Variants in DNAJB1 observed in about 807,000 individuals in gnomAD.
DNAJB1 encodes the protein DnaJ heat shock protein family (Hsp40) member B1, also known as dnaJ homolog subfamily B member 1.
A neutral mutation model predicts 24.0 loss-of-function variants in DNAJB1; 14 were observed. The ratio of observed to expected loss-of-function variants is 0.58; its 90% CI spans 0.39 to 0.91. The LOEUF (loss-of-function observed/expected upper bound fraction) is 0.91, where lower values mean the gene tolerates loss of function less well. Ranked by LOEUF, DNAJB1 falls within the 40% of genes least tolerant of loss-of-function variation. The pLI is 0.00. For missense variants in DNAJB1, 517 were observed against 458.1 expected, an observed-to-expected ratio of 1.13 and a Z score of -1.17; for synonymous variants, 262 against 174.4, an observed-to-expected ratio of 1.50 and a Z score of -3.96.
intron 1 of DNAJB1, among the ~76,000 whole-genome samples, chr19:14,548,616 C>T (rs146713576): frequency 5.5e-4 from 84 of 152,210 alleles, no homozygotes; most frequent in African/African-American, 2.6e-4. Context: ...TTTGCACTGT[C>T]GCCCAGGCTG....
intron 1 of DNAJB1, among the ~76,000 whole-genome samples, chr19:14,537,631 G>C (rs1325976904): frequency 6.6e-6 from 1 of 152,150 alleles, no homozygotes; most frequent in African/African-American, 2.4e-5. Context: ...CCTTCTTGCT[G>C]ATACTGATAG....
chr19:14,534,742 G>C (rs1484491851), upstream of DNAJB1, among the ~76,000 whole-genome samples: 2 of 152,038 alleles, frequency 1.3e-5, no homozygotes, highest in Non-Finnish European at 2.9e-5. Flanking sequence ...TTGCCCAGGG[G>C]TGAGTCTTAT....
At chr19:14,540,161 G>A (rs1180885198) in intron 1 of DNAJB1, among the ~76,000 whole-genome samples, 3 of 151,674 alleles carry the variant, frequency 2.0e-5, no homozygotes, top group Non-Finnish European at 4.4e-5. Context: ...CCAGGTTCAC[G>A]CCATTCTCCT....
chr19:14,554,610 G>A (rs115210372), upstream of DNAJB1, among the ~76,000 whole-genome samples: 3,183 of 152,248 alleles, frequency 0.021, 49 homozygotes, highest in Non-Finnish European at 0.024. Flanking sequence ...TTCAGGCTGC[G>A]CCTCCAGGGG....
intron 1 of DNAJB1, among the ~76,000 whole-genome samples, chr19:14,555,572 A>G (rs1410480999): frequency 1.3e-5 from 2 of 150,342 alleles, no homozygotes; most frequent in Admixed American, 6.7e-5. Context: ...CAGCCTCCCA[A>G]GTGGCTGGGA....
upstream of DNAJB1, among the ~76,000 whole-genome samples, chr19:14,552,642 C>T (rs1413287968): frequency 6.6e-6 from 1 of 152,034 alleles, no homozygotes; most frequent in East Asian, 1.9e-4. Context: ...TCACGCCATT[C>T]TCCTGCCTCA....
At chr19:14,543,256 C>T (rs1278842141) in intron 1 of DNAJB1, among the ~76,000 whole-genome samples, 1 of 141,732 alleles carries the variant, frequency 7.1e-6, no homozygotes, top group African/African-American at 2.6e-5. Context: ...ATGAATGTTT[C>T]TCAGGAGCTG....
At position 14,515,944 on chromosome 19, in the gene DNAJB1, A is replaced by C. The variant is rs1415639159; in HGVS notation, c.1019T>G (p.Ile340Arg). The C allele has an allele frequency of 2.5e-6, 4 of 1,606,482 alleles. No homozygotes were observed. Among genetic ancestry groups the C allele is most frequent in the Non-Finnish European group, 2.5e-6 (3 of 1,178,304 alleles). Residue 340 changes from isoleucine to arginine, a missense_variant, in exon 3 of 3, where the codon ATA becomes AGA. By Grantham distance (97) the Ile-to-Arg change is moderately conservative (BLOSUM62 -3). Coordinates refer to ENST00000254322, the MANE Select transcript of DNAJB1 (RefSeq NM_006145.3). ...GTCCTTGGGGAGCTCAGATAGCTAT[A>C]TTGGAAGAACCTGCTCAAGTACGGT... ...SRTVLEQVLP[I>R]
chr19:14,525,741 G>A (rs537755366), intron 2 of DNAJB1, among the ~76,000 whole-genome samples: 15 of 151,770 alleles, frequency 9.9e-5, no homozygotes, highest in Admixed American at 7.9e-4. Flanking sequence ...TTGCATGACC[G>A]TATGTGTTCA....
chr19:14,518,272 G>A lies in DNAJB1; in HGVS notation c.78C>T (p.Arg26=). ...TGTCCGGGTGGTAGCGCAGCGCCTG[G>A]CGGCGGTAGGCCCGCTTGATCTCCT... ...SDEEIKRAYR[R]QALRYHPDKN... The change falls in exon 1 of 3, where the codon CGC becomes CGT. Residue 26 remains arginine, a synonymous_variant. Transcript: ENST00000254322. 1.2e-6 allele frequency: 2 copies of A among 1,609,870 alleles called. No individual in the cohort carries two copies. Among genetic ancestry groups the A allele is most frequent in the Non-Finnish European group, 1.7e-6 (2 of 1,178,814 alleles).
intron 1 of DNAJB1, chr19:14,517,385 G>T (rs2072287977): frequency 8.2e-6 from 2 of 244,962 alleles, no homozygotes; most frequent in South Asian, 1.1e-4. Flanking sequence ...TCGGCTTTCG[G>T]TAAGTGTTTA....
At position 14,527,165 on chromosome 19, in the gene DNAJB1, C is replaced by CTTTTTTTTT. The variant is rs369143149; in HGVS notation, c.-90+552_-90+560dup. 6.1e-3 allele frequency among the ~76,000 whole-genome samples: 250 copies of CTTTTTTTTT among 41,304 alleles called. 39 individuals carry two copies. The highest frequency in any genetic ancestry group is 7.0e-3 in the Non-Finnish European group (174 of 24,750). 27.1% of individuals were successfully genotyped at this position (41,304 alleles called of 152,430 possible). On this transcript the variant is annotated intron_variant, in intron 2 of 3. Coordinates refer to the DNAJB1 transcript ENST00000396969. ...AACTGCCACCAGAAAAATATCTCTG[C>CTTTTTTTTT]TTTTTTTTTTTTTTTTTTTTTTTTT...
intron 2 of DNAJB1, 124 bp downstream of exon 2, chr19:14,516,342 G>C: frequency 1.6e-6 from 2 of 1,284,430 alleles, no homozygotes; most frequent in Non-Finnish European, 2.1e-6. Flanking sequence ...GGTCAGTCCT[G>C]TTCACTGTTG....
chr19:14,537,744 GTTTTTT>G (rs533380690), intron 1 of DNAJB1, among the ~76,000 whole-genome samples: 2 of 126,272 alleles, frequency 1.6e-5, no homozygotes, highest in African/African-American at 5.9e-5. Context: ...AATTATCAGT[GTTTTTT>G]TTTTTTTTTT....
chr19:14,522,679 CACAG>C (rs1238464539), upstream of DNAJB1, among the ~76,000 whole-genome samples: 5 of 74,334 alleles, frequency 6.7e-5, no homozygotes, highest in East Asian at 1.1e-3. Flanking sequence ...CAGACACACA[CACAG>C]ACACACACAC....
chr19:14,543,713 C>T (rs2146583765), intron 1 of DNAJB1, among the ~76,000 whole-genome samples: 1 of 150,440 alleles, frequency 6.6e-6, no homozygotes, highest in African/African-American at 2.4e-5. Flanking sequence ...GCTGGGATTA[C>T]AGGCGTGAGC....
chr19:14,545,271 A>C, intron 1 of DNAJB1: 3 of 452,170 alleles, frequency 6.6e-6, no homozygotes, highest in South Asian at 4.7e-5. Flanking sequence ...TCCGGGTGTC[A>C]CCCGCTTCCC....
chr19:14,537,006 T>G (rs1599420284), intron 1 of DNAJB1, among the ~76,000 whole-genome samples: 1 of 45,358 alleles, frequency 2.2e-5, no homozygotes, highest in Non-Finnish European at 4.4e-5. Context: ...AGGTGGGGCT[T>G]GAGGACGGGG....
chr19:14,534,423 C>CTTTTTT (rs756051119), upstream of DNAJB1, among the ~76,000 whole-genome samples: 13 of 52,488 alleles, frequency 2.5e-4, 3 homozygotes, highest in African/African-American at 9.3e-4. Context: ...CATGCCTGGC[C>CTTTTTT]TTTTTTTTTT....
Sources: gnomAD v4.1 joint callset for allele counts (sites outside exome capture counted in the v4.1 genomes callset) on GRCh38, gnomAD v4.1.1 for gene constraint, MANE v1.5 for transcripts, NCBI Gene and HGNC (gene_info 2026-07-23, HGNC 2026-07-21) for gene names.